The following ANK3 variants were observed in gnomAD, a reference collection of about 807,000 sequenced individuals.
ANK3 encodes ankyrin-3.
Under a neutral mutation model 370.9 loss-of-function variants are expected in ANK3, and 57 were observed. The ratio of observed to expected loss-of-function variants is 0.15; its 90% CI spans 0.12 to 0.19. The LOEUF (loss-of-function observed/expected upper bound fraction) is 0.19, where lower values mean the gene tolerates loss of function less well. ANK3 is among the 10% of genes least tolerant of loss of function. The pLI, the probability that ANK3 is intolerant of heterozygous loss-of-function variation, is 1.00. For synonymous variants in ANK3, 1,929 were observed against 1,946.3 expected, an observed-to-expected ratio of 0.99 and a Z score of 0.23; for missense variants, 4,439 against 5,302.1, an observed-to-expected ratio of 0.84 and a Z score of 5.06.
At chr10:60,189,551 G>T (rs2096430543) in intron 16 of ANK3, among the ~76,000 whole-genome samples, 1 of 152,232 alleles carries the variant, frequency 6.6e-6, no homozygotes, top group South Asian at 2.1e-4. Context: ...ATCTCAGAAA[G>T]ACTTAAGAAA....
intron 1 of ANK3, among the ~76,000 whole-genome samples, chr10:60,288,279 T>G (rs1406909428): frequency 6.6e-6 from 1 of 152,190 alleles, no homozygotes; most frequent in Non-Finnish European, 1.5e-5. Flanking sequence ...ACACTAGGCA[T>G]GATCCCTTCT....
chr10:60,096,670 T>G (rs2090193763), intron 28 of ANK3, among the ~76,000 whole-genome samples: 2 of 152,202 alleles, frequency 1.3e-5, no homozygotes, highest in African/African-American at 4.8e-5. Context: ...TCCTGTACTT[T>G]GTCTTAAAAA....
At chr10:60,709,244 T>C (rs1161177831) in intron 1 of ANK3, among the ~76,000 whole-genome samples, 7 of 152,136 alleles carry the variant, frequency 4.6e-5, no homozygotes. Context: ...GGCTCTGTAT[T>C]AGACTTCTCC....
At position 60,166,715 on chromosome 10, in the gene ANK3, A is replaced by T. The variant is rs536563630; in HGVS notation, c.2552-62T>A. 4.4e-6 allele frequency: 7 copies of T among 1,590,926 alleles called. No homozygotes were observed. In the East Asian group the frequency reaches 1.6e-4, roughly 36 times the overall value. On this transcript the variant is annotated intron_variant, in intron 22 of 43. Transcript: ENST00000280772. The stretch of plus-strand genomic sequence containing the variant: ...AATACATACTCTTGATATTACAACA[A>T]AACGTTTCAATATTCCTGATAAACA...
At chr10:60,409,539 T>C (rs970109555) in intron 2 of ANK3, among the ~76,000 whole-genome samples, 6 of 152,180 alleles carry the variant, frequency 3.9e-5, no homozygotes, top group African/African-American at 1.2e-4. Flanking sequence ...GCTTACAAAG[T>C]AGCTTTTGCA....
intron 1 of ANK3, among the ~76,000 whole-genome samples, chr10:60,388,875 G>T (rs527995698): frequency 6.6e-6 from 1 of 152,184 alleles, no homozygotes; most frequent in Non-Finnish European, 1.5e-5. Context: ...TTGACAAAAA[G>T]CACCTTATAA....
At chr10:60,165,309 A>G (rs1405746581) in intron 23 of ANK3, among the ~76,000 whole-genome samples, 7 of 152,376 alleles carry the variant, frequency 4.6e-5, no homozygotes, top group African/African-American at 1.7e-4. Flanking sequence ...ATGAAATATA[A>G]TATGACAGTA....
At chr10:60,332,271 C>A (rs2132942672) in intron 1 of ANK3, among the ~76,000 whole-genome samples, 1 of 152,262 alleles carries the variant, frequency 6.6e-6, no homozygotes, top group South Asian at 2.1e-4. Flanking sequence ...GAACGACTAG[C>A]AATTTCCTGG....
intron 1 of ANK3, among the ~76,000 whole-genome samples, chr10:60,733,037 G>A (rs2080047521): frequency 6.6e-6 from 1 of 151,918 alleles, no homozygotes; most frequent in Non-Finnish European, 1.5e-5. Context: ...CCGAGTTCGA[G>A]CTCTCGCCTC....
At chr10:60,410,065 T>C (rs956123971) in intron 2 of ANK3, among the ~76,000 whole-genome samples, 1 of 152,120 alleles carries the variant, frequency 6.6e-6, no homozygotes, top group Admixed American at 6.5e-5. Flanking sequence ...GCTCAAGTAT[T>C]GAATTTTGAT....
intron 2 of ANK3, among the ~76,000 whole-genome samples, chr10:60,469,287 GTA>G (rs72512558): frequency 0.037 from 34 of 908 alleles, 10 homozygotes; most frequent in African/African-American, 0.077. Context: ...TTTAGTGTGT[GTA>G]TATATATATA....
At chr10:60,700,953 T>G (rs145263413) in intron 1 of ANK3, among the ~76,000 whole-genome samples, 2 of 151,718 alleles carry the variant, frequency 1.3e-5, no homozygotes, top group Admixed American at 1.3e-4. Context: ...AAAATAAAAA[T>G]GTATATGGCA....
intron 2 of ANK3, among the ~76,000 whole-genome samples, chr10:60,465,816 A>G (rs1455382510): frequency 7.0e-6 from 1 of 142,894 alleles, no homozygotes; most frequent in Non-Finnish European, 1.5e-5. Flanking sequence ...TCAAAAAAAG[A>G]GGACTTAGGA....
intron 25 of ANK3, among the ~76,000 whole-genome samples, chr10:60,116,407 T>C (rs544402629): frequency 2.0e-5 from 3 of 151,966 alleles, no homozygotes; most frequent in Admixed American, 2.0e-4. Flanking sequence ...TATTAATGAG[T>C]AGACAGCTGA....
intron 28 of ANK3, among the ~76,000 whole-genome samples, chr10:60,090,735 G>A (rs542688120): frequency 1.3e-5 from 2 of 152,234 alleles, no homozygotes; most frequent in African/African-American, 2.4e-5. Context: ...CCCACTTCTT[G>A]GATTAGCTAA....
intron 1 of ANK3, among the ~76,000 whole-genome samples, chr10:60,659,338 A>G (rs1027381692): frequency 6.6e-6 from 1 of 152,158 alleles, no homozygotes; most frequent in Admixed American, 6.6e-5. Context: ...CCCTTCAGTC[A>G]TAGTTCTTTT....
rs555844940 is a variant in ANK3, at chr10:60,701,653, C to T, written c.57+31610G>A. ...TGGGGTAAGTATGTATAGCATGCTACATTTATCTAAACAAAGGAGAAAGTG... is the reference window on the plus strand; with the variant it reads ...TGGGGTAAGTATGTATAGCATGCTATATTTATCTAAACAAAGGAGAAAGTG... On this transcript the variant is annotated intron_variant, in intron 1 of 43. Coordinates refer to the ANK3 transcript ENST00000373827. 2.4e-3 allele frequency among the ~76,000 whole-genome samples: 362 copies of T among 152,254 alleles called. 2 individuals are homozygous for T. Among genetic ancestry groups the T allele is most frequent in the African/African-American group, 8.5e-3 (352 of 41,558 alleles).
chr10:60,619,044 T>C (rs113310092), intron 1 of ANK3, among the ~76,000 whole-genome samples: 3 of 152,232 alleles, frequency 2.0e-5, no homozygotes, highest in Admixed American at 6.5e-5. Context: ...CCTCTTTCTT[T>C]AGGTTAGTTC....
intron 28 of ANK3, among the ~76,000 whole-genome samples, chr10:60,092,231 T>TG (rs985802130): frequency 6.6e-6 from 1 of 152,106 alleles, no homozygotes; most frequent in Non-Finnish European, 1.5e-5. Context: ...CTTTGGGGGA[T>TG]GGGGGGTTGT....
Sources: allele counts gnomAD v4.1 joint callset (sites outside exome capture counted in the v4.1 genomes callset), GRCh38; gene constraint gnomAD v4.1.1; transcripts MANE v1.5; gene names NCBI Gene and HGNC (gene_info 2026-07-23, HGNC 2026-07-21).